Variants in AGBL2 observed in about 807,000 individuals in gnomAD.
AGBL2 encodes the protein AGBL carboxypeptidase 2, also known as cytosolic carboxypeptidase 2.
In AGBL2, 87 loss-of-function variants were observed where a neutral mutation model predicts 103.0. That is an observed-to-expected ratio of 0.84 (90% CI 0.71 to 1.01). AGBL2 has a LOEUF of 1.01. Among genes scored for constraint, AGBL2 ranks in the 50% least tolerant of loss-of-function variants. The pLI is 0.00. For missense variants in AGBL2, 904 were observed against 1,023.5 expected (o/e 0.88, Z 1.59); for synonymous variants, 335 against 356.7 (o/e 0.94, Z 0.69).
chr11:47,677,502 G>A (rs949236627), intron 13 of AGBL2, 101 bp from the exon 14 acceptor site: 3 of 716,702 alleles, frequency 4.2e-6, no homozygotes, highest in South Asian at 4.7e-5. Context: ...TGCCCAGGCT[G>A]GAGTACAATG....
At chr11:47,711,364 G>A (rs764486990) in intron 3 of AGBL2, among the ~76,000 whole-genome samples, 1 of 152,054 alleles carries the variant, frequency 6.6e-6, no homozygotes, top group African/African-American at 2.4e-5. Context: ...GATTACCTGG[G>A]CAACTATTTG....
intron 13 of AGBL2, among the ~76,000 whole-genome samples, chr11:47,679,463 G>A (rs919929203): frequency 1.3e-5 from 2 of 151,990 alleles, no homozygotes; most frequent in African/African-American, 4.8e-5. Context: ...CCAAAGGACT[G>A]TCTCCATCTT....
At chr11:47,694,970 G>A (rs2097461733) in intron 8 of AGBL2, among the ~76,000 whole-genome samples, 1 of 151,760 alleles carries the variant, frequency 6.6e-6, no homozygotes, top group Admixed American at 6.6e-5. Context: ...CCAACATGGT[G>A]AAACCCAGTG....
intron 14 of AGBL2, among the ~76,000 whole-genome samples, chr11:47,676,585 C>G (rs913470357): frequency 9.2e-5 from 14 of 152,072 alleles, no homozygotes; most frequent in Non-Finnish European, 1.5e-4. Flanking sequence ...TTTGGGAGGC[C>G]CAGGCGGGTG....
intron 9 of AGBL2, among the ~76,000 whole-genome samples, chr11:47,691,275 A>C (rs954252503): frequency 2.0e-5 from 3 of 151,442 alleles, no homozygotes; most frequent in Non-Finnish European, 4.4e-5. Flanking sequence ...AGGAAAAAAC[A>C]AACAAACAAA....
chr11:47,678,536 G>A (rs1285456906), intron 13 of AGBL2, among the ~76,000 whole-genome samples: 2 of 146,244 alleles, frequency 1.4e-5, no homozygotes, highest in African/African-American at 2.5e-5. Flanking sequence ...GGGTTTCACC[G>A]TGTTGGTCAG....
intron 3 of AGBL2, among the ~76,000 whole-genome samples, chr11:47,711,973 G>A (rs1275830748): frequency 6.6e-6 from 1 of 152,184 alleles, no homozygotes; most frequent in Non-Finnish European, 1.5e-5. Flanking sequence ...CTTCTAGTTG[G>A]GAGGTAGGAG....
chr11:47,714,133 G>C, intron 3 of AGBL2, 151 bp downstream of exon 3: 1 of 629,488 alleles, frequency 1.6e-6, no homozygotes, highest in Non-Finnish European at 2.8e-6. Context: ...AATGGGGAAA[G>C]GAAGTACTTT....
intron 4 of AGBL2, among the ~76,000 whole-genome samples, chr11:47,706,883 T>C (rs2097522051): frequency 1.2e-5 from 1 of 85,506 alleles, no homozygotes; most frequent in Admixed American, 1.5e-4. Context: ...ACCCTGTCTC[T>C]ACTATTCCAA....
intron 13 of AGBL2, among the ~76,000 whole-genome samples, chr11:47,678,338 A>ATTATTTTTTTTTTTTTTTTTTTTTTTTT (rs1565026654): frequency 1.9e-4 from 18 of 95,288 alleles, no homozygotes; most frequent in East Asian, 3.2e-4. Flanking sequence ...TTATTTTATT[A>ATTATTTTTTTTTTTTTTTTTTTTTTTTT]TTTTATTTTT....
Position 47,690,607 on chromosome 11 carries a change from G to A in AGBL2, c.1100C>T (p.Thr367Met), listed in dbSNP as rs188437398. The A allele has an allele frequency of 9.3e-6, 15 of 1,614,164 alleles. No individual in the cohort carries two copies. The highest frequency in any genetic ancestry group is 1.6e-4 in the Middle Eastern group (1 of 6,062). ...GNEIKYYKNN[T>M]DDGQQPFYCL... is the part of the protein sequence containing the mutation. Reference sequence around the variant, plus strand: ...GTAGAAGGGCTGCTGCCCATCATCCGTGTTGTTCTTGTAGTACTTGATTTC... The same window carrying A: ...GTAGAAGGGCTGCTGCCCATCATCCATGTTGTTCTTGTAGTACTTGATTTC... Residue 367 changes from threonine (T) to methionine (M), a missense_variant, in exon 10 of 19, where the codon ACG becomes ATG. Physicochemically the swap from Thr to Met is moderately conservative, Grantham distance 81 (BLOSUM62 -1). Transcript: ENST00000525123.
intron 4 of AGBL2, among the ~76,000 whole-genome samples, chr11:47,706,995 T>C (rs1421586548): frequency 7.2e-6 from 1 of 138,006 alleles, no homozygotes; most frequent in African/African-American, 2.7e-5. Context: ...AAGACCAGCC[T>C]GGCCAATATG....
chr11:47,685,906 T>C lies in AGBL2; in HGVS notation c.1775A>G (p.Asn592Ser). ...TTATGTGCTTACCTTATCTGGTGCA[T>C]TTTTGCATAACATTAAAGGAAAGAC... The part of the protein sequence containing the change: ...ERVFPLMLCK[N>S]APDKFSFHSC... Residue 592 changes from asparagine to serine, a missense_variant, in exon 11 of 19, where the codon AAT becomes AGT. Physicochemically the swap from Asn to Ser is conservative, Grantham distance 46 (BLOSUM62 1). Transcript: ENST00000525123. 1.9e-6 allele frequency: 3 copies of C among 1,613,944 alleles called. No individual in the cohort carries two copies. The highest frequency in any genetic ancestry group is 2.5e-6 in the Non-Finnish European group (3 of 1,179,944).
intron 17 of AGBL2, among the ~76,000 whole-genome samples, chr11:47,664,204 C>T (rs565458056): frequency 1.2e-4 from 18 of 151,372 alleles, no homozygotes; most frequent in African/African-American, 2.9e-4. Flanking sequence ...GCCCATTTTG[C>T]ACCCTATCCC....
rs1431128141 is a variant in AGBL2, at chr11:47,663,098, T to A, written c.2463A>T (p.Arg821Ser). The change falls in exon 18 of 19, where the codon AGA (arginine) becomes AGT (serine). Residue 821 changes from arginine to serine, a missense_variant. Arg to Ser is a moderately radical substitution (Grantham distance 110). Transcript: ENST00000525123. Reference protein sequence around the residue: ...NPRLNETNLNRRDKDTPLDPS... With the variant: ...NPRLNETNLNSRDKDTPLDPS... ...GGTCCAGGGGGGTGTCTTTGTCTCT[T>A]CTATTTAAATTTGTCTAAAATAAAT... 1.9e-6 allele frequency: 3 copies of A among 1,590,196 alleles called. No individual in the cohort carries two copies. Among genetic ancestry groups the A allele is most frequent in the Non-Finnish European group, 2.6e-6 (3 of 1,174,576 alleles).
At chr11:47,678,037 C>G (rs1051855989) in intron 13 of AGBL2, among the ~76,000 whole-genome samples, 9 of 151,690 alleles carry the variant, frequency 5.9e-5, no homozygotes, top group Non-Finnish European at 1.0e-4. Flanking sequence ...GATCTTGGCT[C>G]ACTGCAACCT....
At chr11:47,679,939 G>T in intron 13 of AGBL2, 34 bp downstream of exon 13, 1 of 1,361,786 alleles carries the variant, frequency 7.3e-7, no homozygotes, top group Non-Finnish European at 1.0e-6. Context: ...ACCATGCCTG[G>T]CCTTCATCAC....
intron 14 of AGBL2, among the ~76,000 whole-genome samples, chr11:47,676,270 T>TA (rs752792278): frequency 1.3e-5 from 2 of 152,108 alleles, no homozygotes; most frequent in Admixed American, 1.3e-4. Context: ...CTCATGCCCA[T>TA]ATCCAATCCA....
chr11:47,681,686 C>T (rs2097401891), intron 12 of AGBL2, among the ~76,000 whole-genome samples: 1 of 152,200 alleles, frequency 6.6e-6, no homozygotes, highest in South Asian at 2.1e-4. Context: ...TCTTGATCTC[C>T]TGACCTCGTG....
Sources: gnomAD v4.1 joint callset for allele counts (sites outside exome capture counted in the v4.1 genomes callset) on GRCh38, gnomAD v4.1.1 for gene constraint, MANE v1.5 for transcripts, NCBI Gene and HGNC (gene_info 2026-07-23, HGNC 2026-07-21) for gene names.